The following CSMD1 variants were observed in gnomAD, a reference collection of about 807,000 sequenced individuals.
The protein encoded by CSMD1 is CUB and Sushi multiple domains 1, also known as CUB and sushi domain-containing protein 1.
CSMD1 carries 213 observed loss-of-function variants against 417.5 expected under a neutral mutation model. The observed-to-expected ratio is 0.51, with a 90% confidence interval of 0.46 to 0.57. The LOEUF is 0.57. Ranked by LOEUF, CSMD1 falls within the 20% of genes least tolerant of loss-of-function variation. The pLI, the probability that CSMD1 is intolerant of heterozygous loss-of-function variation, is 0.00. For synonymous variants in CSMD1, 2,862 were observed against 1,736.8 expected (o/e 1.65, Z -16.11); for missense variants, 6,923 against 4,529.7 (o/e 1.53, Z -15.17).
chr8:3,736,620 G>C (rs548741423), intron 6 of CSMD1, among the ~76,000 whole-genome samples: 2 of 152,300 alleles, frequency 1.3e-5, no homozygotes, highest in East Asian at 1.9e-4. Flanking sequence ...GGCAATGGCA[G>C]AGTGAATCTT....
At chr8:4,497,276 T>C (rs1378832072) in intron 2 of CSMD1, among the ~76,000 whole-genome samples, 1 of 152,218 alleles carries the variant, frequency 6.6e-6, no homozygotes, top group African/African-American at 2.4e-5. Flanking sequence ...ATATCATTAC[T>C]TCTTTGCAAC....
chr8:4,278,694 T>C (rs1449227345), intron 3 of CSMD1, among the ~76,000 whole-genome samples: 3 of 152,196 alleles, frequency 2.0e-5, no homozygotes, highest in Non-Finnish European at 2.9e-5. Flanking sequence ...GCCACTTAAA[T>C]GGCTAACAAA....
At chr8:4,178,121 C>T (rs1200224697) in intron 3 of CSMD1, among the ~76,000 whole-genome samples, 3 of 152,108 alleles carry the variant, frequency 2.0e-5, no homozygotes, top group Admixed American at 1.3e-4. Flanking sequence ...GGCAGAGACA[C>T]AACCAAAAAA....
intron 3 of CSMD1, among the ~76,000 whole-genome samples, chr8:4,341,650 T>C (rs1378757382): frequency 6.6e-6 from 1 of 152,162 alleles, no homozygotes; most frequent in Non-Finnish European, 1.5e-5. Context: ...TGCTCTTGTG[T>C]TCTAAAAGCA....
intron 3 of CSMD1, among the ~76,000 whole-genome samples, chr8:4,182,718 G>A (rs765739863): frequency 6.6e-6 from 1 of 151,928 alleles, no homozygotes; most frequent in Non-Finnish European, 1.5e-5. Context: ...GAAAGAAAAA[G>A]AACAGCTATA....
chr8:3,304,683 T>C (rs1405001100), intron 25 of CSMD1, among the ~76,000 whole-genome samples: 1 of 151,872 alleles, frequency 6.6e-6, no homozygotes, highest in Admixed American at 6.6e-5. Flanking sequence ...GGTCAGTTCA[T>C]GCAATAAAAA....
chr8:3,254,699 C>T (rs762570910), intron 26 of CSMD1, among the ~76,000 whole-genome samples: 11 of 152,172 alleles, frequency 7.2e-5, no homozygotes, highest in East Asian at 1.9e-4. Context: ...ACTTAGTTCT[C>T]GAGCCTTGGT....
intron 1 of CSMD1, among the ~76,000 whole-genome samples, chr8:4,748,704 G>C (rs983971934): frequency 3.3e-5 from 5 of 152,218 alleles, no homozygotes; most frequent in Non-Finnish European, 5.9e-5. Context: ...GCCCACACCT[G>C]AGTTGCAGAT....
intron 1 of CSMD1, among the ~76,000 whole-genome samples, chr8:4,837,971 G>A (rs959722560): frequency 2.6e-5 from 4 of 152,166 alleles, no homozygotes; most frequent in Non-Finnish European, 5.9e-5. Flanking sequence ...GGCATTGCCT[G>A]TGAAGCCAGC....
intron 3 of CSMD1, among the ~76,000 whole-genome samples, chr8:4,360,611 T>G (rs1000270109): frequency 6.6e-6 from 1 of 151,680 alleles, no homozygotes. Flanking sequence ...TGCCTCAGCC[T>G]CCAGAGTAGC....
chr8:3,709,169 CACTT>C (rs1801349215), intron 6 of CSMD1, among the ~76,000 whole-genome samples: 1 of 90,000 alleles, frequency 1.1e-5, no homozygotes, highest in African/African-American at 4.2e-5. Context: ...TTTTTTTGGT[CACTT>C]ACGGAAAAAA....
At chr8:3,521,494 G>A (rs943229490) in intron 10 of CSMD1, among the ~76,000 whole-genome samples, 1 of 152,086 alleles carries the variant, frequency 6.6e-6, no homozygotes, top group East Asian at 1.9e-4. Context: ...CTGTGGTCAT[G>A]CCGGTCCCTG....
chr8:3,098,268 C>T (rs1815474998), intron 46 of CSMD1, among the ~76,000 whole-genome samples: 1 of 152,082 alleles, frequency 6.6e-6, no homozygotes, highest in African/African-American at 2.4e-5. Context: ...TGAGTTATCG[C>T]CTTTTAATTA....
intron 2 of CSMD1, among the ~76,000 whole-genome samples, chr8:4,484,084 G>C (rs1223446985): frequency 1.3e-5 from 2 of 152,028 alleles, no homozygotes; most frequent in South Asian, 4.2e-4. Flanking sequence ...CAAAATGAAA[G>C]GGTGTCTGTT....
intron 48 of CSMD1, 42 bp from the exon 49 acceptor site, chr8:3,087,327 A>G: frequency 1.3e-6 from 2 of 1,593,372 alleles, no homozygotes; most frequent in Non-Finnish European, 1.7e-6. Flanking sequence ...TCAACAAGCA[A>G]ACAAATGGCC....
intron 3 of CSMD1, among the ~76,000 whole-genome samples, chr8:4,069,666 T>C (rs1270848236): frequency 6.6e-6 from 1 of 152,140 alleles, no homozygotes; most frequent in Non-Finnish European, 1.5e-5. Context: ...GGCTCCTGTT[T>C]CTCCGACTGG....
chr8:3,041,779 T>C (rs1022353682), intron 50 of CSMD1, among the ~76,000 whole-genome samples: 4 of 151,128 alleles, frequency 2.6e-5, no homozygotes, highest in African/African-American at 4.8e-5. Context: ...ACAGCGTTTT[T>C]GCCAGCCTGT....
intron 1 of CSMD1, among the ~76,000 whole-genome samples, chr8:4,892,711 T>C (rs778586448): frequency 2.6e-5 from 4 of 152,104 alleles, no homozygotes; most frequent in Non-Finnish European, 5.9e-5. Context: ...TTTACTGATA[T>C]ATTGCTTTTA....
At chr8:2,999,309 C>A (rs1374246924) in intron 53 of CSMD1, among the ~76,000 whole-genome samples, 1 of 152,026 alleles carries the variant, frequency 6.6e-6, no homozygotes, top group African/African-American at 2.4e-5. Context: ...ATGTATGCCA[C>A]CATGCCAGGC....
Sources: allele counts gnomAD v4.1 joint callset (sites outside exome capture counted in the v4.1 genomes callset), GRCh38; gene constraint gnomAD v4.1.1; transcripts MANE v1.5; gene names NCBI Gene and HGNC (gene_info 2026-07-23, HGNC 2026-07-21).